Variants in PDIA5 observed in about 807,000 individuals in gnomAD.
PDIA5 encodes the protein protein disulfide isomerase family A member 5.
PDIA5 carries 58 observed loss-of-function variants against 77.6 expected under a neutral mutation model. The observed-to-expected ratio is 0.75, with a 90% CI of 0.61 to 0.93. PDIA5 has a LOEUF of 0.93. PDIA5 is among the 40% of genes least tolerant of loss of function. The pLI, the probability that PDIA5 is intolerant of heterozygous loss-of-function variation, is 0.00. For missense variants in PDIA5, 630 were observed against 647.7 expected, an observed-to-expected ratio of 0.97 and a Z score of 0.30; for synonymous variants, 250 against 252.1, an observed-to-expected ratio of 0.99 and a Z score of 0.08.
chr3:123,133,945 GTCTT>G (rs1164088859), intron 11 of PDIA5, among the ~76,000 whole-genome samples: 1 of 151,974 alleles, frequency 6.6e-6, no homozygotes, highest in Non-Finnish European at 1.5e-5. Flanking sequence ...AGAAAACCTG[GTCTT>G]TCTTTGCAGT....
chr3:123,097,476 C>T (rs1163407296), intron 3 of PDIA5, among the ~76,000 whole-genome samples: 1 of 152,188 alleles, frequency 6.6e-6, no homozygotes, highest in Non-Finnish European at 1.5e-5. Context: ...CCAAGGGAAA[C>T]AGCCAACTCA....
intron 11 of PDIA5, chr3:123,144,689 C>G (rs1017982021): frequency 2.0e-5 from 3 of 152,108 alleles, no homozygotes; most frequent in Non-Finnish European, 4.4e-5. Context: ...TCGAGACCAT[C>G]CTGGCTAACA....
intron 11 of PDIA5, among the ~76,000 whole-genome samples, chr3:123,133,281 G>A (rs1307254733): frequency 2.0e-5 from 3 of 152,220 alleles, no homozygotes; most frequent in African/African-American, 4.8e-5. Context: ...GTCATCCTGC[G>A]TTTCCTAAGT....
In PDIA5 at chr3:123,161,283, G is replaced by C. The variant is rs1208039152; in HGVS notation, c.1345-38G>C. The C allele has an allele frequency of 2.5e-6, 4 of 1,605,084 alleles. No individual in the cohort carries two copies. In the South Asian group the frequency reaches 4.5e-5, roughly 18 times the overall value. On this transcript the variant is annotated intron_variant, in intron 15 of 16. Coordinates refer to ENST00000316218, the MANE Select transcript of PDIA5 (RefSeq NM_006810.4). ...TTGTGGGGTCCAGGCCTCAGCCTGGGGACACCCTGTGCCAACTCTCTTTAC... is the reference window on the plus strand; with the variant it reads ...TTGTGGGGTCCAGGCCTCAGCCTGGCGACACCCTGTGCCAACTCTCTTTAC...
In PDIA5 at chr3:123,088,236, C is replaced by T. The variant is rs900407259; in HGVS notation, c.43-932C>T. On this transcript the variant is annotated intron_variant, in intron 1 of 16. Coordinates refer to ENST00000316218, the MANE Select transcript of PDIA5 (RefSeq NM_006810.4). ...CTGCTTTGTGTCTACTCCTTATTCA[C>T]ACTTTTAATAAACCCCCACCCATTG... Among the ~76,000 whole-genome samples the T allele has an allele frequency of 2.0e-5, 3 of 152,284 alleles. No individual in the cohort carries two copies. The East Asian group carries it at 5.8e-4, about 29-fold the overall frequency.
chr3:123,073,308 G>A (rs909038268), intron 1 of PDIA5, among the ~76,000 whole-genome samples: 2 of 152,172 alleles, frequency 1.3e-5, no homozygotes, highest in African/African-American at 2.4e-5. Context: ...CTGTGGCCTG[G>A]AAGATGAAGG....
At chr3:123,112,613 A>G (rs1262224003) in intron 7 of PDIA5, among the ~76,000 whole-genome samples, 1 of 129,388 alleles carries the variant, frequency 7.7e-6, no homozygotes, top group Non-Finnish European at 1.5e-5. Context: ...TGGTGGTACC[A>G]TCTCAGCTCA....
At chr3:123,089,070 G>T in intron 1 of PDIA5, 98 bp from the exon 2 acceptor site, 1 of 1,212,522 alleles carries the variant, frequency 8.2e-7, no homozygotes, top group South Asian at 1.4e-5. Flanking sequence ...TCATCCTCTG[G>T]AAGTAAAGCA....
At chr3:123,150,433 C>A in intron 14 of PDIA5, 69 bp downstream of exon 14, 1 of 1,481,772 alleles carries the variant, frequency 6.7e-7, no homozygotes. Flanking sequence ...CAAAAAGACC[C>A]GCACACCCAC....
intron 7 of PDIA5, among the ~76,000 whole-genome samples, chr3:123,115,573 C>A (rs1934974601): frequency 6.6e-6 from 1 of 152,124 alleles, no homozygotes; most frequent in Non-Finnish European, 1.5e-5. Flanking sequence ...AAGAAACAGC[C>A]CAGAGAGAGG....
At chr3:123,099,246 C>T (rs183054627) in intron 3 of PDIA5, among the ~76,000 whole-genome samples, 14 of 152,320 alleles carry the variant, frequency 9.2e-5, no homozygotes, top group Admixed American at 4.6e-4. Context: ...ATCCCAGCAG[C>T]GGTAAGACAG....
At chr3:123,151,830 T>C (rs1362006656) in intron 14 of PDIA5, among the ~76,000 whole-genome samples, 4 of 147,708 alleles carry the variant, frequency 2.7e-5, no homozygotes, top group African/African-American at 1.0e-4. Context: ...CCTGCCTGCC[T>C]TCCTGCCTGC....
At chr3:123,123,840 G>A (rs1263451003) in intron 8 of PDIA5, among the ~76,000 whole-genome samples, 3 of 152,222 alleles carry the variant, frequency 2.0e-5, no homozygotes, top group Non-Finnish European at 2.9e-5. Context: ...GGGAGCAGGC[G>A]TGCGGAGTGC....
intron 14 of PDIA5, among the ~76,000 whole-genome samples, chr3:123,151,769 TGCC>T (rs1935901258): frequency 7.2e-6 from 1 of 138,386 alleles, no homozygotes; most frequent in African/African-American, 2.6e-5. Context: ...CCTGCCTGCC[TGCC>T]TGCCTGCCTG....
At chr3:123,139,095 A>G (rs878991369) in intron 11 of PDIA5, among the ~76,000 whole-genome samples, 2 of 152,230 alleles carry the variant, frequency 1.3e-5, no homozygotes, top group African/African-American at 4.8e-5. Flanking sequence ...TCTATGCCAG[A>G]TCACGGAAAT....
intron 1 of PDIA5, among the ~76,000 whole-genome samples, chr3:123,088,456 C>A (rs1274703753): frequency 1.3e-5 from 2 of 152,134 alleles, no homozygotes; most frequent in African/African-American, 2.4e-5. Flanking sequence ...GATCTTATTT[C>A]TCTGTGTATT....
intron 11 of PDIA5, among the ~76,000 whole-genome samples, chr3:123,138,934 A>G (rs1162149229): frequency 1.3e-5 from 2 of 152,198 alleles, no homozygotes; most frequent in African/African-American, 4.8e-5. Flanking sequence ...TGGTTCCAGC[A>G]TCCAGGAAAG....
At chr3:123,119,462 G>A (rs1283387886) in intron 8 of PDIA5, among the ~76,000 whole-genome samples, 1 of 152,154 alleles carries the variant, frequency 6.6e-6, no homozygotes, top group Non-Finnish European at 1.5e-5. Context: ...TTTCTTGCTT[G>A]GGGTTTGTTT....
intron 11 of PDIA5, among the ~76,000 whole-genome samples, chr3:123,137,630 A>C (rs1935532324): frequency 1.3e-5 from 2 of 152,210 alleles, no homozygotes; most frequent in African/African-American, 4.8e-5. Flanking sequence ...AAATTCGTGA[A>C]TTTGATGTCA....
Sources: gnomAD v4.1 joint callset for allele counts (sites outside exome capture counted in the v4.1 genomes callset) on GRCh38, gnomAD v4.1.1 for gene constraint, MANE v1.5 for transcripts, NCBI Gene and HGNC (gene_info 2026-07-23, HGNC 2026-07-21) for gene names.